The following FARS2 variants were observed in gnomAD, a reference collection of about 807,000 sequenced individuals.
The protein encoded by FARS2 is phenylalanine--tRNA ligase, mitochondrial.
A neutral mutation model predicts 46.4 loss-of-function variants in FARS2; 40 were observed. The observed-to-expected ratio is 0.86, with a 90% CI of 0.67 to 1.12. The LOEUF is 1.12. Ranked by LOEUF, FARS2 falls within the 50% of genes most tolerant of loss-of-function variation. The pLI is 0.00. For missense variants in FARS2, 513 were observed against 567.9 expected (o/e 0.90, Z 0.98); for synonymous variants, 234 against 214.9 (o/e 1.09, Z -0.78).
chr6:5,718,142 G>A (rs1214122819), intron 6 of FARS2, among the ~76,000 whole-genome samples: 1 of 152,056 alleles, frequency 6.6e-6, no homozygotes, highest in Non-Finnish European at 1.5e-5. Context: ...TGGAACTCCT[G>A]ACCTCAAGAG....
chr6:5,606,338 C>CAGTTGGTG lies in FARS2; in HGVS notation c.1066-6831_1066-6830insAGTTGGTG. 5.3e-5 allele frequency among the ~76,000 whole-genome samples: 8 copies of CAGTTGGTG among 151,900 alleles called. No homozygotes were observed. In the South Asian group the frequency reaches 1.7e-3, roughly 33 times the overall value. The stretch of plus-strand genomic sequence containing the variant: ...AGAAGTAGCACTGACTGACAGCAGA[C>CAGTTGGTG]TCGTCACCATTGCTAATAGGCGGCA... On this transcript the variant is annotated intron_variant, in intron 5 of 6. Coordinates refer to ENST00000274680, the MANE Select transcript of FARS2 (RefSeq NM_006567.5).
chr6:5,631,096 C>T (rs987952952), intron 6 of FARS2, among the ~76,000 whole-genome samples: 3 of 152,100 alleles, frequency 2.0e-5, no homozygotes, highest in African/African-American at 7.2e-5. Flanking sequence ...CCACTCACCT[C>T]ACAAACTAAA....
chr6:5,478,709 G>T (rs532185065), intron 4 of FARS2, among the ~76,000 whole-genome samples: 11 of 152,178 alleles, frequency 7.2e-5, no homozygotes, highest in African/African-American at 2.7e-4. Flanking sequence ...GGTTCGTCCA[G>T]GGTGCTTCCC....
At chr6:5,742,202 G>A (rs1253465053) in intron 6 of FARS2, among the ~76,000 whole-genome samples, 2 of 152,200 alleles carry the variant, frequency 1.3e-5, no homozygotes, top group African/African-American at 4.8e-5. Context: ...CTCACATGCA[G>A]CCGGCATCTC....
At chr6:5,752,496 G>T (rs1036950805) in intron 6 of FARS2, among the ~76,000 whole-genome samples, 1 of 152,174 alleles carries the variant, frequency 6.6e-6, no homozygotes, top group African/African-American at 2.4e-5. Flanking sequence ...ATTCAGAATG[G>T]CTATAGCAAA....
intron 4 of FARS2, among the ~76,000 whole-genome samples, chr6:5,500,980 C>T (rs922605205): frequency 6.8e-6 from 1 of 147,886 alleles, no homozygotes; most frequent in Admixed American, 6.8e-5. Context: ...GATGCCAGGT[C>T]TGGTCTTGTT....
At chr6:5,623,999 T>A (rs1775910158) in intron 6 of FARS2, among the ~76,000 whole-genome samples, 1 of 152,148 alleles carries the variant, frequency 6.6e-6, no homozygotes, top group South Asian at 2.1e-4. Flanking sequence ...AGAAGTTGTG[T>A]CTCCTTGAAA....
intron 2 of FARS2, chr6:5,371,111 A>G (rs1251379522): frequency 1.3e-6 from 1 of 764,388 alleles, no homozygotes; most frequent in Non-Finnish European, 1.6e-6. Flanking sequence ...GCTTTTTTTC[A>G]TGACACTCCT....
At position 5,613,315 on chromosome 6, in the gene FARS2, T is replaced by A. The variant is rs1582585768; in HGVS notation, c.1212T>A (p.His404Gln). 1 of 1,611,996 alleles carries A rather than the reference T, an allele frequency of 6.2e-7. No homozygotes were observed. Among genetic ancestry groups the A allele is most frequent in the Middle Eastern group, 1.7e-4 (1 of 6,054 alleles). Residue 404 changes from histidine (H) to glutamine (Q), a missense_variant, in exon 6 of 7, where the codon CAT becomes CAA. By Grantham distance (24) the His-to-Gln change is conservative. Coordinates refer to ENST00000274680, the MANE Select transcript of FARS2 (RefSeq NM_006567.5). ...TTGATCTCATAGACAAGTTTGTACATCCAAAGTAAGTGAAAAGCTTTCTGA... is the reference window on the plus strand; with the variant it reads ...TTGATCTCATAGACAAGTTTGTACAACCAAAGTAAGTGAAAAGCTTTCTGA... ...EKVDLIDKFVHPKTHKTSHCY... is the reference protein window; with the variant it reads ...EKVDLIDKFVQPKTHKTSHCY...
At position 5,293,941 on chromosome 6, in the gene FARS2, T is replaced by C. The variant is rs182580235; in HGVS notation, c.-22+32281T>C. On this transcript the variant is annotated intron_variant, in intron 1 of 6. Coordinates refer to ENST00000274680, the MANE Select transcript of FARS2 (RefSeq NM_006567.5). ...CAAAGAAATGAATCTCATTATCAGA[T>C]AAAACTTCTTAGATCATCAAAAAAG... 1.1e-4 allele frequency among the ~76,000 whole-genome samples: 17 copies of C among 152,328 alleles called. No individual in the cohort carries two copies. The East Asian group carries it at 3.1e-3, about 28-fold the overall frequency.
chr6:5,715,091 G>C (rs1159480764), intron 6 of FARS2, among the ~76,000 whole-genome samples: 1 of 152,118 alleles, frequency 6.6e-6, no homozygotes, highest in Non-Finnish European at 1.5e-5. Context: ...ACTCTTCTGT[G>C]TGCCTTAAAT....
chr6:5,496,853 A>G (rs1767499202), intron 4 of FARS2, among the ~76,000 whole-genome samples: 1 of 151,836 alleles, frequency 6.6e-6, no homozygotes, highest in South Asian at 2.1e-4. Flanking sequence ...TTTTTATTTA[A>G]TTTTATTTTT....
chr6:5,466,419 C>T, intron 4 of FARS2: 1 of 577,012 alleles, frequency 1.7e-6, no homozygotes, highest in Non-Finnish European at 2.2e-6. Context: ...ATGCTGAGCT[C>T]CTTAAAGGCA....
At chr6:5,738,974 C>A (rs1454919401) in intron 6 of FARS2, among the ~76,000 whole-genome samples, 4 of 152,188 alleles carry the variant, frequency 2.6e-5, no homozygotes, top group Non-Finnish European at 2.9e-5. Flanking sequence ...ATGCCACATT[C>A]TGTCACGAAA....
intron 4 of FARS2, among the ~76,000 whole-genome samples, chr6:5,491,741 G>A (rs570444681): frequency 9.2e-5 from 14 of 151,996 alleles, no homozygotes; most frequent in Admixed American, 2.0e-4. Flanking sequence ...CCTCTTTCTC[G>A]CTAGTCCCTT....
intron 1 of FARS2, among the ~76,000 whole-genome samples, chr6:5,314,439 G>C (rs576547506): frequency 6.6e-6 from 1 of 152,214 alleles, no homozygotes; most frequent in South Asian, 2.1e-4. Context: ...TTTCTGCAGG[G>C]GTCATTCTAC....
At chr6:5,396,353 T>C (rs1445374289) in intron 2 of FARS2, among the ~76,000 whole-genome samples, 1 of 152,188 alleles carries the variant, frequency 6.6e-6, no homozygotes, top group African/African-American at 2.4e-5. Flanking sequence ...TCAGCCTTCA[T>C]CCCTTCAGAG....
At chr6:5,501,247 A>T (rs1478599722) in intron 4 of FARS2, among the ~76,000 whole-genome samples, 4 of 152,144 alleles carry the variant, frequency 2.6e-5, no homozygotes. Flanking sequence ...TCTAATGAAG[A>T]AATAACACCT....
chr6:5,703,776 T>C (rs1307067553), intron 6 of FARS2, among the ~76,000 whole-genome samples: 1 of 152,128 alleles, frequency 6.6e-6, no homozygotes. Context: ...AAGCTCCAGC[T>C]CTTGCTGTTC....
Sources: allele counts gnomAD v4.1 joint callset (sites outside exome capture counted in the v4.1 genomes callset), GRCh38; gene constraint gnomAD v4.1.1; transcripts MANE v1.5; gene names NCBI Gene and HGNC (gene_info 2026-07-23, HGNC 2026-07-21).